Variants in LIPC observed in about 807,000 individuals in gnomAD.
LIPC encodes lipase C, hepatic type.
Under a neutral mutation model 50.7 loss-of-function variants are expected in LIPC, and 44 were observed. That is an observed-to-expected ratio of 0.87 (90% CI 0.68 to 1.11). The LOEUF is 1.11. Among genes scored for constraint, LIPC ranks in the 50% most tolerant of loss-of-function variants. LIPC has a pLI of 0.00. For synonymous variants in LIPC, 271 were observed against 256.4 expected (o/e 1.06, Z -0.54); for missense variants, 697 against 648.2 (o/e 1.08, Z -0.82).
intron 1 of LIPC, among the ~76,000 whole-genome samples, chr15:58,536,908 T>C (rs1356069197): frequency 1.3e-5 from 2 of 152,242 alleles, no homozygotes; most frequent in Non-Finnish European, 2.9e-5. Context: ...CTTTGTAGGT[T>C]CATCATCTCT....
chr15:58,563,164 C>A (rs1467986202), intron 7 of LIPC, among the ~76,000 whole-genome samples: 2 of 152,160 alleles, frequency 1.3e-5, no homozygotes, highest in African/African-American at 4.8e-5. Flanking sequence ...CTGAACTGTC[C>A]AGACGCCGTT....
At chr15:58,492,312 C>CATAGCTGT (rs1266023025) in intron 1 of LIPC, among the ~76,000 whole-genome samples, 1 of 152,134 alleles carries the variant, frequency 6.6e-6, no homozygotes, top group African/African-American at 2.4e-5. Flanking sequence ...GGTATTATTA[C>CATAGCTGT]ATAGCTGTAG....
At chr15:58,443,483 G>C (rs1382300838) in intron 1 of LIPC, among the ~76,000 whole-genome samples, 1 of 152,244 alleles carries the variant, frequency 6.6e-6, no homozygotes, top group Non-Finnish European at 1.5e-5. Context: ...GCCCTGTGAT[G>C]TCAAGCTTAA....
chr15:58,497,229 C>T (rs534114335), intron 1 of LIPC, among the ~76,000 whole-genome samples: 6 of 152,248 alleles, frequency 3.9e-5, no homozygotes, highest in South Asian at 4.1e-4. Flanking sequence ...GCTTCACCCC[C>T]GACCGAATGA....
At chr15:58,500,385 G>T (rs577293121) in intron 1 of LIPC, among the ~76,000 whole-genome samples, 2 of 152,164 alleles carry the variant, frequency 1.3e-5, no homozygotes, top group South Asian at 2.1e-4. Context: ...TCACTGTCAC[G>T]CTTGCTCTCG....
chr15:58,488,874 G>T (rs114110612), intron 1 of LIPC, among the ~76,000 whole-genome samples: 1 of 152,146 alleles, frequency 6.6e-6, no homozygotes, highest in Non-Finnish European at 1.5e-5. Context: ...CTCAGGATGG[G>T]AGAAAAACAG....
In LIPC at chr15:58,566,526, T is replaced by C. The variant is rs377472322; in HGVS notation, c.1389-2190T>C. ...GCAGACCAAAATCCCAGAATCGGGA[T>C]GGGAACATTAAACTCTACACTCGTA... On this transcript the variant is annotated intron_variant, in intron 8 of 8. Transcript: ENST00000299022. 1.6e-5 allele frequency: 14 copies of C among 880,704 alleles called. No individual in the cohort carries two copies. The East Asian group carries it at 1.7e-3, about 106-fold the overall frequency. The allele number at this position is 880,704 out of a possible 1,614,324, so 54.6% of individuals were successfully genotyped here. A position where few individuals can be genotyped will look rare whatever the true frequency, so the allele number is the denominator to read the frequency against.
intron 1 of LIPC, among the ~76,000 whole-genome samples, chr15:58,453,769 A>G (rs1894003706): frequency 6.6e-6 from 1 of 151,970 alleles, no homozygotes; most frequent in South Asian, 2.1e-4. Context: ...GGCCTGGTAT[A>G]GTCCTAGCTA....
intron 1 of LIPC, among the ~76,000 whole-genome samples, chr15:58,451,529 G>A (rs1893898209): frequency 6.6e-6 from 1 of 152,084 alleles, no homozygotes; most frequent in South Asian, 2.1e-4. Context: ...ACATACCTAT[G>A]GCACATGTTC....
Position 58,545,913 on chromosome 15 carries a change from C to A in LIPC, c.746C>A (p.Ser249Tyr). 3 of 1,614,214 alleles carry A rather than the reference C, an allele frequency of 1.9e-6. No individual in the cohort carries two copies. The highest frequency in any genetic ancestry group is 2.5e-6 in the Non-Finnish European group (3 of 1,180,042). The change falls in exon 5 of 9, where the codon TCC becomes TAC. Residue 249 changes from serine (S) to tyrosine (Y), a missense_variant. Transcript: ENST00000299022. ...TATGACTTCTATCCCAACGGGGGCT[C>A]CTTCCAGCCTGGCTGCCACTTCCTA... ...GHYDFYPNGG[S>Y]FQPGCHFLEL...
chr15:58,462,192 A>C (rs1344465160), intron 1 of LIPC, among the ~76,000 whole-genome samples: 1 of 152,020 alleles, frequency 6.6e-6, no homozygotes, highest in African/African-American at 2.4e-5. Context: ...CACCTTCCCT[A>C]TAGGATCGTG....
chr15:58,446,194 A>G (rs754702846), intron 1 of LIPC, among the ~76,000 whole-genome samples: 5 of 152,140 alleles, frequency 3.3e-5, no homozygotes, highest in Non-Finnish European at 5.9e-5. Context: ...CTAAATATTT[A>G]TACGCTAGTA....
intron 1 of LIPC, chr15:58,435,007 C>T (rs1269760853): frequency 6.6e-6 from 1 of 152,226 alleles, no homozygotes; most frequent in Non-Finnish European, 1.5e-5. Flanking sequence ...TTAAAAATCA[C>T]TGAGGACCCC....
intron 1 of LIPC, among the ~76,000 whole-genome samples, chr15:58,535,107 A>G (rs1595927941): frequency 1.3e-5 from 2 of 152,192 alleles, no homozygotes; most frequent in South Asian, 4.1e-4. Context: ...TCCTCCATCT[A>G]GACTTGACTG....
intron 1 of LIPC, among the ~76,000 whole-genome samples, chr15:58,509,964 A>G (rs1595908432): frequency 6.6e-6 from 1 of 152,198 alleles, no homozygotes; most frequent in Admixed American, 6.5e-5. Context: ...ATCATTAAAA[A>G]AAAAAAGAGT....
chr15:58,465,005 C>A (rs1186931633), intron 1 of LIPC, among the ~76,000 whole-genome samples: 2 of 152,084 alleles, frequency 1.3e-5, no homozygotes, highest in African/African-American at 4.8e-5. Flanking sequence ...GCCCACCACA[C>A]AACAAAACAT....
chr15:58,526,792 T>C (rs1823698), intron 1 of LIPC, among the ~76,000 whole-genome samples: 151,601 of 152,360 alleles, frequency 1, 75,427 homozygotes, highest in Middle Eastern at 1. Context: ...CTGGACTAGA[T>C]ATTTCATCAA....
intron 1 of LIPC, among the ~76,000 whole-genome samples, chr15:58,499,133 A>T (rs1973029): frequency 0.3 from 45,224 of 151,844 alleles, 6,807 homozygotes; most frequent in Admixed American, 0.38. Flanking sequence ...GGGCAGGGCG[A>T]GAACACCAGG....
intron 1 of LIPC, among the ~76,000 whole-genome samples, chr15:58,481,375 T>C (rs1220294852): frequency 6.6e-6 from 1 of 152,228 alleles, no homozygotes; most frequent in East Asian, 1.9e-4. Context: ...TACACATGTA[T>C]GAGAAAAGTC....
Sources: gnomAD v4.1 joint callset for allele counts (sites outside exome capture counted in the v4.1 genomes callset) on GRCh38, gnomAD v4.1.1 for gene constraint, MANE v1.5 for transcripts, NCBI Gene and HGNC (gene_info 2026-07-23, HGNC 2026-07-21) for gene names.